RANBP2: variants seen among roughly 807,000 people sequenced by gnomAD.
The protein encoded by RANBP2 is E3 SUMO-protein ligase RanBP2.
A neutral mutation model predicts 303.6 loss-of-function variants in RANBP2; 57 were observed. The observed-to-expected ratio is 0.19, with a 90% CI of 0.15 to 0.23. RANBP2 has a LOEUF of 0.23. Ranked by LOEUF, RANBP2 falls within the 10% of genes least tolerant of loss-of-function variation. The probability of loss-of-function intolerance (pLI) is 1.00; values close to 1 mark genes in which losing one functional copy is unlikely to be tolerated. For missense variants in RANBP2, 3,138 were observed against 3,780.8 expected (o/e 0.83, Z 4.46); for synonymous variants, 1,167 against 1,301.5 (o/e 0.90, Z 2.23).
the RANBP2 span, among the ~76,000 whole-genome samples, chr2:109,480,485 C>T: frequency 6.6e-6 from 1 of 152,120 alleles, no homozygotes; most frequent in African/African-American, 2.4e-5. Context: ...CCTGTTAGTC[C>T]TGAGGGTGCC....
the RANBP2 span, chr2:109,574,773 A>G: frequency 6.4e-7 from 1 of 1,559,672 alleles, no homozygotes; most frequent in Non-Finnish European, 8.7e-7. Context: ...GGTAGCTGAA[A>G]AATTATTTAA....
the RANBP2 span, among the ~76,000 whole-genome samples, chr2:108,820,261 A>G: frequency 6.6e-6 from 1 of 152,186 alleles, no homozygotes; most frequent in Non-Finnish European, 1.5e-5. Context: ...TTCTAACAAA[A>G]TAATAAAATT....
chr2:109,398,731 G>T, the RANBP2 span: 1 of 1,613,372 alleles, frequency 6.2e-7, no homozygotes, highest in East Asian at 2.2e-5. Context: ...CTCAGGGGCG[G>T]TCAGTGCCTT....
the RANBP2 span, among the ~76,000 whole-genome samples, chr2:109,077,213 A>G: frequency 1.3e-5 from 2 of 150,756 alleles, no homozygotes; most frequent in African/African-American, 4.8e-5. Context: ...ACTTTATCTC[A>G]CACCATATAC....
chr2:109,318,115 C>T, the RANBP2 span, among the ~76,000 whole-genome samples: 62 of 146,722 alleles, frequency 4.2e-4, no homozygotes, highest in African/African-American at 1.5e-3. Flanking sequence ...AAAAAAAGCC[C>T]CCTTTAAGCA....
the RANBP2 span, among the ~76,000 whole-genome samples, chr2:109,251,192 G>C: frequency 1.3e-5 from 2 of 151,776 alleles, no homozygotes; most frequent in Non-Finnish European, 2.9e-5. Context: ...TAGTAGAGAT[G>C]GGGTTTCACC....
At chr2:109,433,134 G>T in the RANBP2 span, among the ~76,000 whole-genome samples, 6 of 152,358 alleles carry the variant, frequency 3.9e-5, no homozygotes, top group East Asian at 1.2e-3. Context: ...CATACTGTAA[G>T]CACAAGGTGT....
chr2:109,284,099 G>T, the RANBP2 span, among the ~76,000 whole-genome samples: 2 of 152,118 alleles, frequency 1.3e-5, no homozygotes, highest in Non-Finnish European at 2.9e-5. Context: ...CAGATCCACC[G>T]TAATGAAAGA....
chr2:109,690,829 T>C, the RANBP2 span, among the ~76,000 whole-genome samples: 3 of 152,300 alleles, frequency 2.0e-5, no homozygotes, highest in African/African-American at 4.8e-5. Flanking sequence ...TTCCTGACTT[T>C]GTTTTTTCCC....
the RANBP2 span, among the ~76,000 whole-genome samples, chr2:109,332,432 C>A: frequency 4.6e-5 from 7 of 152,198 alleles, no homozygotes; most frequent in African/African-American, 1.7e-4. Context: ...GGGTGCAGGT[C>A]TTCCTGGACG....
At chr2:109,111,396 G>T in the RANBP2 span, among the ~76,000 whole-genome samples, 1 of 152,146 alleles carries the variant, frequency 6.6e-6, no homozygotes, top group African/African-American at 2.4e-5. Context: ...ATCAGGATGT[G>T]ACTAGATCAA....
the RANBP2 span, among the ~76,000 whole-genome samples, chr2:109,020,736 A>G: frequency 6.6e-6 from 1 of 152,220 alleles, no homozygotes; most frequent in Non-Finnish European, 1.5e-5. Context: ...GGTTTATAAT[A>G]GCGACATCAG....
the RANBP2 span, among the ~76,000 whole-genome samples, chr2:109,452,320 A>C: frequency 6.6e-6 from 1 of 152,170 alleles, no homozygotes; most frequent in Admixed American, 6.5e-5. Context: ...AGGCTTCCTA[A>C]CTTTGGGCAA....
the RANBP2 span, among the ~76,000 whole-genome samples, chr2:109,288,176 C>T: frequency 1.6e-4 from 25 of 152,310 alleles, no homozygotes; most frequent in South Asian, 4.1e-3. Flanking sequence ...AACTTAGATG[C>T]GATGTGTTTG....
chr2:108,857,617 G>A, the RANBP2 span, among the ~76,000 whole-genome samples: 5 of 152,008 alleles, frequency 3.3e-5, no homozygotes, highest in Non-Finnish European at 2.9e-5. Context: ...TTTTATCAAC[G>A]TTTTTAGCTA....
At chr2:109,030,289 T>A in the RANBP2 span, among the ~76,000 whole-genome samples, 6 of 152,334 alleles carry the variant, frequency 3.9e-5, no homozygotes, top group Non-Finnish European at 7.4e-5. Flanking sequence ...ATTTTCCCAC[T>A]GAAGACCCAG....
At chr2:109,106,982 G>T in the RANBP2 span, among the ~76,000 whole-genome samples, 29 of 144,854 alleles carry the variant, frequency 2.0e-4, no homozygotes, top group African/African-American at 7.3e-4. Context: ...CTGTCACCCA[G>T]GCTAGAGTGC....
At chr2:108,813,027 A>C in the RANBP2 span, 10 of 880,688 alleles carry the variant, frequency 1.1e-5, no homozygotes, top group African/African-American at 1.7e-4. Flanking sequence ...AGATGGGCGG[A>C]TCACGATGTC....
the RANBP2 span, among the ~76,000 whole-genome samples, chr2:109,516,744 A>G: frequency 6.6e-6 from 1 of 152,268 alleles, no homozygotes; most frequent in South Asian, 2.1e-4. Context: ...TCGACCGAAC[A>G]ATTCAAATTA....
Sources: gnomAD v4.1 joint callset for allele counts (sites outside exome capture counted in the v4.1 genomes callset) on GRCh38, gnomAD v4.1.1 for gene constraint, MANE v1.5 for transcripts, NCBI Gene and HGNC (gene_info 2026-07-23, HGNC 2026-07-21) for gene names.